Variants in DIAPH3 observed in about 807,000 individuals in gnomAD.
DIAPH3 encodes protein diaphanous homolog 3.
Under a neutral mutation model 144.3 loss-of-function variants are expected in DIAPH3, and 117 were observed. That is an observed-to-expected ratio of 0.81 (90% CI 0.70 to 0.95). The LOEUF (loss-of-function observed/expected upper bound fraction) is 0.95. Among genes scored for constraint, DIAPH3 ranks in the 40% least tolerant of loss-of-function variants. DIAPH3 has a pLI of 0.00. For synonymous variants in DIAPH3, 519 were observed against 488.9 expected (o/e 1.06, Z -0.81); for missense variants, 1,421 against 1,412.7 (o/e 1.01, Z -0.09).
intron 24 of DIAPH3, among the ~76,000 whole-genome samples, chr13:59,829,615 C>T (rs2041668513): frequency 6.6e-6 from 1 of 151,972 alleles, no homozygotes; most frequent in Non-Finnish European, 1.5e-5. Flanking sequence ...ATTAAATCAC[C>T]CATTGATCAT....
chr13:59,851,708 C>T (rs780807226), intron 22 of DIAPH3, among the ~76,000 whole-genome samples: 12 of 151,130 alleles, frequency 7.9e-5, no homozygotes, highest in East Asian at 1.9e-4. Flanking sequence ...GCGCAACCTC[C>T]GCCTCCCGGG....
chr13:60,137,335 T>G (rs1226144973), intron 1 of DIAPH3, among the ~76,000 whole-genome samples: 2 of 152,232 alleles, frequency 1.3e-5, no homozygotes, highest in Non-Finnish European at 2.9e-5. Flanking sequence ...TAGTACATGC[T>G]GTCAAAAAAT....
chr13:59,971,004 G>T lies in DIAPH3; in HGVS notation c.1807C>A (p.Arg603=), dbSNP rs775933641. 12 of 1,613,764 alleles carry T rather than the reference G, an allele frequency of 7.4e-6. 1 individual carries two copies. The East Asian group carries it at 1.8e-4, about 24-fold the overall frequency. Residue 603 remains arginine (R), a synonymous_variant, in exon 16 of 28, where the codon CGG becomes AGG. Transcript: ENST00000400324. ...GGCACAGGACCACTGAATGGCATCC[G>T]CATTCCTGGAAGTGGAGGAGGTGGT... ...PPPPPPLPGM[R]MPFSGPVPPP... is the part of the protein sequence containing the mutation.
chr13:60,011,915 A>G (rs557798918), intron 7 of DIAPH3, among the ~76,000 whole-genome samples: 1 of 152,294 alleles, frequency 6.6e-6, no homozygotes, highest in South Asian at 2.1e-4. Flanking sequence ...TTAATGATGT[A>G]TCTATGAAAG....
At chr13:59,939,277 A>T (rs2048407138) in intron 17 of DIAPH3, among the ~76,000 whole-genome samples, 1 of 152,182 alleles carries the variant, frequency 6.6e-6, no homozygotes, top group Non-Finnish European at 1.5e-5. Context: ...GTTACAAAAT[A>T]ACGATTTCTC....
At chr13:59,680,658 T>C (rs2032891985) in intron 27 of DIAPH3, among the ~76,000 whole-genome samples, 1 of 152,214 alleles carries the variant, frequency 6.6e-6, no homozygotes, top group Non-Finnish European at 1.5e-5. Flanking sequence ...ATCATTAAAT[T>C]TGATGGGGCA....
chr13:59,912,942 G>T (rs1295254101), intron 19 of DIAPH3, among the ~76,000 whole-genome samples: 4 of 151,988 alleles, frequency 2.6e-5, no homozygotes, highest in Admixed American at 1.3e-4. Flanking sequence ...AAAAAAAGTG[G>T]CATTTTAAGA....
intron 25 of DIAPH3, among the ~76,000 whole-genome samples, chr13:59,802,246 C>A (rs960679264): frequency 1.3e-5 from 2 of 152,136 alleles, no homozygotes; most frequent in Admixed American, 1.3e-4. Flanking sequence ...TGTGCTAGAT[C>A]GGTTGCTGAA....
chr13:59,751,806 C>T (rs1421259253), intron 27 of DIAPH3, among the ~76,000 whole-genome samples: 2 of 152,146 alleles, frequency 1.3e-5, no homozygotes, highest in East Asian at 3.8e-4. Flanking sequence ...AACAGTACTA[C>T]AAGTAAAATG....
At chr13:60,014,490 A>G (rs2053495361) in intron 7 of DIAPH3, among the ~76,000 whole-genome samples, 1 of 152,166 alleles carries the variant, frequency 6.6e-6, no homozygotes, top group African/African-American at 2.4e-5. Context: ...TCATTGGTTA[A>G]AAATAGAAAG....
At chr13:59,851,704 C>T (rs899354048) in intron 22 of DIAPH3, among the ~76,000 whole-genome samples, 5 of 148,794 alleles carry the variant, frequency 3.4e-5, no homozygotes, top group African/African-American at 1.2e-4. Context: ...AATGGCGCAA[C>T]CTCCGCCTCC....
intron 27 of DIAPH3, among the ~76,000 whole-genome samples, chr13:59,746,395 T>C (rs2036706595): frequency 6.6e-6 from 1 of 151,668 alleles, no homozygotes; most frequent in African/African-American, 2.4e-5. Context: ...AGCTAATTTT[T>C]TTTTTTTTTA....
At chr13:59,920,180 G>A (rs1174710908) in intron 18 of DIAPH3, among the ~76,000 whole-genome samples, 1 of 151,814 alleles carries the variant, frequency 6.6e-6, no homozygotes, top group East Asian at 1.9e-4. Flanking sequence ...CAACAAAACG[G>A]TAGTTATAAG....
chr13:59,964,126 C>G (rs2049921133), intron 17 of DIAPH3, among the ~76,000 whole-genome samples: 1 of 151,996 alleles, frequency 6.6e-6, no homozygotes, highest in Non-Finnish European at 1.5e-5. Context: ...TGTGAGATAA[C>G]AACAATGAAA....
At chr13:59,941,616 T>C (rs2048538167) in intron 17 of DIAPH3, among the ~76,000 whole-genome samples, 2 of 152,206 alleles carry the variant, frequency 1.3e-5, no homozygotes, top group African/African-American at 2.4e-5. Flanking sequence ...TTTAGACAAG[T>C]GTGCTTGTGA....
At chr13:59,904,199 G>A (rs1332367529) in intron 20 of DIAPH3, among the ~76,000 whole-genome samples, 3 of 152,174 alleles carry the variant, frequency 2.0e-5, no homozygotes, top group Non-Finnish European at 2.9e-5. Context: ...GAGAAAAAAA[G>A]TAAGATAGGA....
intron 27 of DIAPH3, among the ~76,000 whole-genome samples, chr13:59,736,311 T>C (rs140888525): frequency 0.014 from 2,174 of 152,302 alleles, 22 homozygotes; most frequent in Admixed American, 0.021. Context: ...TACCCAGTAA[T>C]GGGATTGCTG....
chr13:59,863,208 A>C (rs2043706396), intron 21 of DIAPH3, among the ~76,000 whole-genome samples: 1 of 152,104 alleles, frequency 6.6e-6, no homozygotes, highest in East Asian at 1.9e-4. Flanking sequence ...TGGTATGAAC[A>C]CAGGACTAAT....
intron 21 of DIAPH3, among the ~76,000 whole-genome samples, chr13:59,875,694 A>G (rs2044580523): frequency 6.6e-6 from 1 of 152,178 alleles, no homozygotes. Flanking sequence ...GACCACCAAA[A>G]AGTCAAGCAC....
Sources: gnomAD v4.1 joint callset for allele counts (sites outside exome capture counted in the v4.1 genomes callset) on GRCh38, gnomAD v4.1.1 for gene constraint, MANE v1.5 for transcripts, NCBI Gene and HGNC (gene_info 2026-07-23, HGNC 2026-07-21) for gene names.